The following CSMD1 variants were observed in gnomAD, a reference collection of about 807,000 sequenced individuals.
CSMD1 encodes the protein CUB and Sushi multiple domains 1.
Under a neutral mutation model 417.5 loss-of-function variants are expected in CSMD1, and 213 were observed. That is an observed-to-expected ratio of 0.51 (90% CI 0.46 to 0.57). CSMD1 has a LOEUF of 0.57. Ranked by LOEUF, CSMD1 falls within the 20% of genes least tolerant of loss-of-function variation. CSMD1 has a pLI of 0.00. For missense variants in CSMD1, 6,923 were observed against 4,529.7 expected (o/e 1.53, Z -15.17); for synonymous variants, 2,862 against 1,736.8 (o/e 1.65, Z -16.11).
intron 6 of CSMD1, among the ~76,000 whole-genome samples, chr8:3,708,955 T>A (rs968572208): frequency 2.0e-5 from 3 of 152,088 alleles, no homozygotes; most frequent in Admixed American, 1.3e-4. Flanking sequence ...GTTTAGCGAA[T>A]CTGTGTGGGT....
intron 51 of CSMD1, 43 bp downstream of exon 51, chr8:3,029,276 C>T (rs1209790422): frequency 1.3e-6 from 2 of 1,522,904 alleles, no homozygotes; most frequent in East Asian, 2.3e-5. Flanking sequence ...CTAGAATAAT[C>T]TAGGATGCCG....
intron 31 of CSMD1, among the ~76,000 whole-genome samples, chr8:3,205,106 G>T (rs1436703231): frequency 6.6e-6 from 1 of 152,158 alleles, no homozygotes; most frequent in Admixed American, 6.5e-5. Flanking sequence ...TCATGATCTG[G>T]TTACTGAGTT....
intron 3 of CSMD1, among the ~76,000 whole-genome samples, chr8:4,280,246 G>C (rs1289339316): frequency 2.6e-5 from 4 of 152,120 alleles, no homozygotes; most frequent in Non-Finnish European, 5.9e-5. Flanking sequence ...CATATAGTTA[G>C]CTTTGTATAT....
intron 1 of CSMD1, among the ~76,000 whole-genome samples, chr8:4,851,566 G>A (rs1466242091): frequency 2.0e-5 from 3 of 151,982 alleles, no homozygotes; most frequent in South Asian, 4.2e-4. Context: ...CAGAACCTAT[G>A]ACCTGTATCT....
At chr8:4,869,526 T>G (rs1208900186) in intron 1 of CSMD1, among the ~76,000 whole-genome samples, 1 of 152,082 alleles carries the variant, frequency 6.6e-6, no homozygotes, top group Admixed American at 6.5e-5. Flanking sequence ...TAGGATAGTG[T>G]ATCTATTTAT....
At chr8:3,647,343 CAG>C (rs901727378) in intron 7 of CSMD1, among the ~76,000 whole-genome samples, 1 of 151,526 alleles carries the variant, frequency 6.6e-6, no homozygotes, top group East Asian at 1.9e-4. Flanking sequence ...GTAAATATGG[CAG>C]AGAGAGAAAT....
At chr8:3,393,498 G>C (rs150615363) in intron 17 of CSMD1, among the ~76,000 whole-genome samples, 3 of 152,162 alleles carry the variant, frequency 2.0e-5, no homozygotes, top group African/African-American at 7.2e-5. Context: ...TTTTTTTCAT[G>C]TGTCTGTTGG....
chr8:4,045,444 G>C (rs1363391411), intron 3 of CSMD1, among the ~76,000 whole-genome samples: 1 of 152,214 alleles, frequency 6.6e-6, no homozygotes, highest in Non-Finnish European at 1.5e-5. Flanking sequence ...TGACTGCTGA[G>C]AACGTCGGAA....
rs1271806669 is a variant in CSMD1 at position 3,052,566 on chromosome 8, T to A, written c.7556A>T (p.Tyr2519Phe). 2 of 1,610,800 alleles carry A rather than the reference T, an allele frequency of 1.2e-6. No homozygotes were observed. The highest frequency in any genetic ancestry group is 1.7e-6 in the Non-Finnish European group (2 of 1,178,556). ...AAGCTTGAAGCCCTCATGACATTCA[T>A]AGACCACTTTACTGTCCAAAGTGAA... The part of the protein sequence containing the change: ...NEFTLDSKVV[Y>F]ECHEGFKLES... The change falls in exon 50 of 70, where the codon TAT (tyrosine) becomes TTT (phenylalanine). Residue 2519 changes from tyrosine (Y) to phenylalanine (F), a missense_variant. Transcript: ENST00000635120.
intron 23 of CSMD1, among the ~76,000 whole-genome samples, chr8:3,309,553 G>A (rs538302994): frequency 1.4e-5 from 2 of 141,838 alleles, no homozygotes; most frequent in African/African-American, 2.5e-5. Flanking sequence ...ATATTTTAAG[G>A]CCATCTGTGA....
chr8:3,602,550 C>G (rs1801413886), intron 8 of CSMD1, among the ~76,000 whole-genome samples: 1 of 152,080 alleles, frequency 6.6e-6, no homozygotes. Context: ...CTTTTAGCCT[C>G]AAAGGTTGTT....
chr8:3,029,989 T>C (rs1296399809), intron 50 of CSMD1, among the ~76,000 whole-genome samples: 1 of 152,090 alleles, frequency 6.6e-6, no homozygotes, highest in Non-Finnish European at 1.5e-5. Context: ...ATAATATATC[T>C]ATATATCATT....
intron 7 of CSMD1, among the ~76,000 whole-genome samples, chr8:3,634,794 T>C (rs1796952128): frequency 6.6e-6 from 1 of 152,178 alleles, no homozygotes; most frequent in Non-Finnish European, 1.5e-5. Flanking sequence ...CCATGCATCA[T>C]GTGTCCTGAG....
At chr8:3,578,883 C>A (rs1800263363) in intron 9 of CSMD1, among the ~76,000 whole-genome samples, 1 of 152,188 alleles carries the variant, frequency 6.6e-6, no homozygotes, top group African/African-American at 2.4e-5. Flanking sequence ...CAGTGCCAAG[C>A]CAGTTTTTAA....
chr8:4,503,375 T>TAA, intron 2 of CSMD1, among the ~76,000 whole-genome samples: 1 of 152,204 alleles, frequency 6.6e-6, no homozygotes, highest in African/African-American at 2.4e-5. Context: ...TACTCAACTT[T>TAA]TGCTCAACTG....
chr8:3,083,610 T>TTATATTTATATATA (rs1563320356), intron 49 of CSMD1, among the ~76,000 whole-genome samples: 3 of 30,930 alleles, frequency 9.7e-5, no homozygotes, highest in Non-Finnish European at 1.6e-4. Context: ...ACCATAATTT[T>TTATATTTATATATA]TATATATATA....
intron 2 of CSMD1, among the ~76,000 whole-genome samples, chr8:4,508,088 C>CG (rs1479337216): frequency 3.3e-5 from 3 of 90,698 alleles, no homozygotes; most frequent in South Asian, 6.4e-4. Flanking sequence ...AAAAAAAATA[C>CG]CAAAAAAAAA....
chr8:4,187,424 A>G (rs987981681), intron 3 of CSMD1, among the ~76,000 whole-genome samples: 2 of 152,152 alleles, frequency 1.3e-5, no homozygotes, highest in Non-Finnish European at 2.9e-5. Context: ...AGGCAGGCAG[A>G]TCACCTGAGG....
intron 11 of CSMD1, among the ~76,000 whole-genome samples, chr8:3,478,866 C>G (rs148897253): frequency 0.013 from 1,945 of 152,278 alleles, 17 homozygotes; most frequent in Non-Finnish European, 0.021. Context: ...ATGATCTCAC[C>G]TGGGGAGGCC....
Sources: allele counts gnomAD v4.1 joint callset (sites outside exome capture counted in the v4.1 genomes callset), GRCh38; gene constraint gnomAD v4.1.1; transcripts MANE v1.5; gene names NCBI Gene and HGNC (gene_info 2026-07-23, HGNC 2026-07-21).